The following TRIM33 variants were observed in gnomAD, a reference collection of about 807,000 sequenced individuals.
TRIM33 encodes the protein E3 ubiquitin-protein ligase TRIM33.
In TRIM33, 20 loss-of-function variants were observed where a neutral mutation model predicts 125.4. The ratio of observed to expected loss-of-function variants is 0.16; its 90% CI spans 0.11 to 0.23. The LOEUF (loss-of-function observed/expected upper bound fraction) is 0.23. TRIM33 is among the 10% of genes least tolerant of loss of function. The pLI is 1.00. For synonymous variants in TRIM33, 564 were observed against 513.9 expected, an observed-to-expected ratio of 1.10 and a Z score of -1.32; for missense variants, 920 against 1,411.4, an observed-to-expected ratio of 0.65 and a Z score of 5.58.
At chr1:114,440,178 T>C (rs954192449) in intron 4 of TRIM33, among the ~76,000 whole-genome samples, 7 of 151,992 alleles carry the variant, frequency 4.6e-5, no homozygotes, top group African/African-American at 9.7e-5. Context: ...CCCTCAGAAG[T>C]TGTATCCACA....
At position 114,427,202 on chromosome 1, in the gene TRIM33, G is replaced by A. The variant is rs577947056; in HGVS notation, c.1395C>T (p.Phe465=). The A allele has an allele frequency of 5.0e-6, 8 of 1,589,586 alleles. No homozygotes were observed. The African/African-American group carries it at 1.1e-4, about 21-fold the overall frequency. The part of the protein sequence containing the change: ...GAIRFHCDPT[F]WAKNVVNLGN... ...CTAAATTGACTACATTCTTTGCCCA[G>A]AAGGTGGGATCACAATGGAAACGTA... The change falls in exon 8 of 20, where the codon TTC becomes TTT. Residue 465 remains phenylalanine (F), a synonymous_variant. Coordinates refer to ENST00000358465, the MANE Select transcript of TRIM33 (RefSeq NM_015906.4).
Position 114,501,115 on chromosome 1 carries a change from G to A in TRIM33, c.526+9436C>T, listed in dbSNP as rs910833660. On this transcript the variant is annotated intron_variant, in intron 1 of 19. Transcript: ENST00000358465. Reference sequence around the variant, plus strand: ...TGAGGCAGGAGAATGGCGTGAACCCGGGAGGCGGAGCTTGCAGTGAGCCGA... The same window carrying A: ...TGAGGCAGGAGAATGGCGTGAACCCAGGAGGCGGAGCTTGCAGTGAGCCGA... 6.4e-4 allele frequency among the ~76,000 whole-genome samples: 44 copies of A among 68,980 alleles called. 7 individuals carry two copies. Among genetic ancestry groups the A allele is most frequent in the African/African-American group, 2.8e-3 (38 of 13,376 alleles). The allele number at this position is 68,980 out of a possible 152,430, so 45.3% of individuals were successfully genotyped here. A position where few individuals can be genotyped will look rare whatever the true frequency, so the allele number is the denominator to read the frequency against.
chr1:114,476,876 A>G (rs1651004858), intron 1 of TRIM33, among the ~76,000 whole-genome samples: 1 of 152,206 alleles, frequency 6.6e-6, no homozygotes, highest in Admixed American at 6.5e-5. Context: ...ATAGTTATAC[A>G]GGAGAGTAAT....
intron 4 of TRIM33, among the ~76,000 whole-genome samples, chr1:114,434,824 A>G (rs768290008): frequency 5.1e-4 from 78 of 152,354 alleles, no homozygotes; most frequent in Middle Eastern, 3.4e-3. Flanking sequence ...ATCGGCCTCA[A>G]TACCAAGAAA....
At chr1:114,440,147 T>C (rs1052983332) in intron 4 of TRIM33, among the ~76,000 whole-genome samples, 1 of 152,088 alleles carries the variant, frequency 6.6e-6, no homozygotes, top group Admixed American at 6.5e-5. Flanking sequence ...ACAATGATTC[T>C]GTGGAAGAGG....
intron 1 of TRIM33, among the ~76,000 whole-genome samples, chr1:114,506,554 G>T (rs927154234): frequency 6.6e-6 from 1 of 152,076 alleles, no homozygotes; most frequent in African/African-American, 2.4e-5. Flanking sequence ...TTTTTTGAGA[G>T]ACAGGGTCTT....
chr1:114,410,397 G>A, intron 11 of TRIM33, 81 bp from the exon 12 acceptor site: 1 of 1,384,040 alleles, frequency 7.2e-7, no homozygotes, highest in Non-Finnish European at 9.8e-7. Flanking sequence ...CTTATACTCA[G>A]TTTATTAATA....
chr1:114,424,107 T>C, intron 10 of TRIM33, among the ~76,000 whole-genome samples: 1 of 152,124 alleles, frequency 6.6e-6, no homozygotes. Flanking sequence ...TTAAAGCGTA[T>C]CTACATCCTA....
At chr1:114,455,639 G>A (rs947410518) in intron 4 of TRIM33, among the ~76,000 whole-genome samples, 8 of 152,144 alleles carry the variant, frequency 5.3e-5, no homozygotes, top group African/African-American at 1.9e-4. Flanking sequence ...AAAATGGGAT[G>A]AATAAATTGA....
At chr1:114,494,151 A>G (rs1286166134) in intron 1 of TRIM33, among the ~76,000 whole-genome samples, 1 of 151,444 alleles carries the variant, frequency 6.6e-6, no homozygotes, top group Non-Finnish European at 1.5e-5. Flanking sequence ...ATTTAGAGAC[A>G]GGGCCTCACT....
intron 1 of TRIM33, among the ~76,000 whole-genome samples, chr1:114,504,457 G>A (rs1358621982): frequency 6.6e-6 from 1 of 152,090 alleles, no homozygotes; most frequent in African/African-American, 2.4e-5. Context: ...CTTAATTCAC[G>A]CAGAGGTGAT....
At chr1:114,416,573 AT>A (rs2101128106) in intron 11 of TRIM33, among the ~76,000 whole-genome samples, 1 of 152,340 alleles carries the variant, frequency 6.6e-6, no homozygotes, top group African/African-American at 2.4e-5. Context: ...AAGCCATTGC[AT>A]ATACCATACT....
intron 8 of TRIM33, among the ~76,000 whole-genome samples, chr1:114,426,105 G>C (rs1276898354): frequency 6.6e-6 from 1 of 152,152 alleles, no homozygotes; most frequent in African/African-American, 2.4e-5. Context: ...ATCTGCCTTT[G>C]AATTGCCAAA....
chr1:114,497,104 G>T (rs1436251395), intron 1 of TRIM33, among the ~76,000 whole-genome samples: 5 of 152,140 alleles, frequency 3.3e-5, no homozygotes, highest in Admixed American at 3.3e-4. Context: ...TAAATGTTGT[G>T]CTACAGCCAT....
At chr1:114,408,883 G>A in intron 12 of TRIM33, 143 bp from the exon 13 acceptor site, 1 of 587,860 alleles carries the variant, frequency 1.7e-6, no homozygotes, top group Non-Finnish European at 3.0e-6. Flanking sequence ...AGGGACGCAT[G>A]TGTAACCATT....
chr1:114,472,036 T>C (rs1195502381), intron 1 of TRIM33, among the ~76,000 whole-genome samples: 4 of 152,210 alleles, frequency 2.6e-5, no homozygotes, highest in Non-Finnish European at 4.4e-5. Flanking sequence ...CATTTGATTA[T>C]AGGGTACGAC....
At chr1:114,498,757 C>T (rs1050277316) in intron 1 of TRIM33, among the ~76,000 whole-genome samples, 3 of 151,854 alleles carry the variant, frequency 2.0e-5, no homozygotes, top group African/African-American at 4.8e-5. Context: ...AAAAAGACAG[C>T]GGAGAATATG....
chr1:114,505,408 G>A (rs74879889), intron 1 of TRIM33, among the ~76,000 whole-genome samples: 1,571 of 152,196 alleles, frequency 0.01, 25 homozygotes, highest in African/African-American at 0.036. Context: ...GAAATTCCGA[G>A]GGCTCAAACA....
intron 1 of TRIM33, among the ~76,000 whole-genome samples, chr1:114,477,340 C>G (rs1045168650): frequency 6.6e-6 from 1 of 150,632 alleles, no homozygotes; most frequent in Non-Finnish European, 1.5e-5. Context: ...CTAGCAAAAC[C>G]TTAAAGGAAA....
Sources: gnomAD v4.1 joint callset for allele counts (sites outside exome capture counted in the v4.1 genomes callset) on GRCh38, gnomAD v4.1.1 for gene constraint, MANE v1.5 for transcripts, NCBI Gene and HGNC (gene_info 2026-07-23, HGNC 2026-07-21) for gene names.